NALCN: variants seen among roughly 807,000 people sequenced by gnomAD.
The protein encoded by NALCN is sodium leak channel NALCN.
Under a neutral mutation model 225.3 loss-of-function variants are expected in NALCN, and 111 were observed. That is an observed-to-expected ratio of 0.49 (90% CI 0.42 to 0.58). The LOEUF is 0.58. NALCN is among the 20% of genes least tolerant of loss of function. The probability of loss-of-function intolerance (pLI) is 0.00; values close to 1 mark genes in which losing one functional copy is unlikely to be tolerated. For synonymous variants in NALCN, 764 were observed against 769.0 expected (o/e 0.99, Z 0.11); for missense variants, 1,378 against 2,202.4 (o/e 0.63, Z 7.49).
intron 17 of NALCN, among the ~76,000 whole-genome samples, chr13:101,131,823 T>G (rs1413579604): frequency 6.6e-6 from 1 of 152,162 alleles, no homozygotes; most frequent in East Asian, 1.9e-4. Context: ...CTTTTTGTTT[T>G]CATGTGGGAA....
chr13:101,092,375 C>T (rs1319430878), intron 28 of NALCN, among the ~76,000 whole-genome samples: 1 of 152,228 alleles, frequency 6.6e-6, no homozygotes, highest in African/African-American at 2.4e-5. Flanking sequence ...CATGCTGTAT[C>T]TTACACAACC....
At chr13:101,063,827 C>T (rs899715884) in intron 40 of NALCN, among the ~76,000 whole-genome samples, 2 of 152,078 alleles carry the variant, frequency 1.3e-5, no homozygotes, top group African/African-American at 4.8e-5. Context: ...CTTGTAGGTA[C>T]TGCTATGTGA....
At chr13:101,299,789 C>G (rs2043884888) in intron 7 of NALCN, among the ~76,000 whole-genome samples, 1 of 152,064 alleles carries the variant, frequency 6.6e-6, no homozygotes, top group African/African-American at 2.4e-5. Context: ...CTCTAATAAT[C>G]TCTTCACTCA....
At chr13:101,072,323 G>T (rs1455295092) in intron 37 of NALCN, among the ~76,000 whole-genome samples, 1 of 152,194 alleles carries the variant, frequency 6.6e-6, no homozygotes, top group Non-Finnish European at 1.5e-5. Context: ...AAAACAAGAT[G>T]TGCCTGCACA....
chr13:101,320,968 C>T (rs763873574), intron 7 of NALCN, among the ~76,000 whole-genome samples: 1 of 152,092 alleles, frequency 6.6e-6, no homozygotes, highest in African/African-American at 2.4e-5. Context: ...AGAGCAACAC[C>T]GTTAATTTCT....
intron 15 of NALCN, among the ~76,000 whole-genome samples, chr13:101,167,844 AAC>A (rs2038523520): frequency 6.8e-5 from 6 of 88,710 alleles, no homozygotes; most frequent in East Asian, 4.1e-4. Context: ...GTCAAAAAAA[AAC>A]AAAAACAAAA....
chr13:101,363,364 C>T (rs1180228786), intron 6 of NALCN, among the ~76,000 whole-genome samples: 1 of 152,094 alleles, frequency 6.6e-6, no homozygotes, highest in African/African-American at 2.4e-5. Context: ...GCAACCAAAC[C>T]AGCATGGTAC....
At chr13:101,332,440 C>T (rs140336799) in intron 7 of NALCN, among the ~76,000 whole-genome samples, 21 of 140,150 alleles carry the variant, frequency 1.5e-4, no homozygotes, top group Non-Finnish European at 2.4e-4. Flanking sequence ...TAAAATTCGA[C>T]TCACGGTAGG....
chr13:101,310,393 G>A (rs567056293), intron 7 of NALCN, among the ~76,000 whole-genome samples: 194 of 152,198 alleles, frequency 1.3e-3, no homozygotes, highest in African/African-American at 4.3e-3. Flanking sequence ...AGAGCATGGG[G>A]CATGCTTCCT....
At chr13:101,080,613 TCAA>T (rs2033572814) in intron 34 of NALCN, among the ~76,000 whole-genome samples, 2 of 116,198 alleles carry the variant, frequency 1.7e-5, no homozygotes, top group Non-Finnish European at 1.9e-5. Flanking sequence ...AATTATATAA[TCAA>T]TTAAATTAAT....
chr13:101,306,318 T>A (rs954290121), intron 7 of NALCN, among the ~76,000 whole-genome samples: 3 of 152,208 alleles, frequency 2.0e-5, no homozygotes, highest in Non-Finnish European at 2.9e-5. Flanking sequence ...TGGCTCCACT[T>A]GTCTCCAGAC....
chr13:101,138,017 C>T (rs1487778856), intron 17 of NALCN, among the ~76,000 whole-genome samples: 1 of 152,208 alleles, frequency 6.6e-6, no homozygotes, highest in Non-Finnish European at 1.5e-5. Flanking sequence ...TGATGCTTTG[C>T]ATACCTTTGC....
At chr13:101,279,852 T>TAAAG (rs1566524409) in intron 10 of NALCN, among the ~76,000 whole-genome samples, 18 of 148,304 alleles carry the variant, frequency 1.2e-4, no homozygotes, top group Admixed American at 3.4e-4. Context: ...AATAAATAAA[T>TAAAG]AAATAAATAA....
intron 11 of NALCN, among the ~76,000 whole-genome samples, chr13:101,242,769 T>C (rs1183912270): frequency 1.9e-5 from 2 of 105,990 alleles, no homozygotes; most frequent in Non-Finnish European, 4.2e-5. Flanking sequence ...TATGCTCTCT[T>C]AGTCCTTTTG....
intron 12 of NALCN, among the ~76,000 whole-genome samples, chr13:101,232,834 A>G (rs1042870162): frequency 3.3e-5 from 5 of 152,206 alleles, no homozygotes; most frequent in African/African-American, 1.2e-4. Flanking sequence ...CAGCTTTATC[A>G]TAAGAACTAT....
intron 10 of NALCN, among the ~76,000 whole-genome samples, chr13:101,275,874 G>T (rs1054611251): frequency 6.6e-6 from 1 of 151,928 alleles, no homozygotes; most frequent in African/African-American, 2.4e-5. Flanking sequence ...GATCATCCTG[G>T]CCAACGTGGT....
intron 20 of NALCN, among the ~76,000 whole-genome samples, chr13:101,109,691 G>A (rs1233278024): frequency 6.6e-6 from 1 of 152,094 alleles, no homozygotes; most frequent in Non-Finnish European, 1.5e-5. Flanking sequence ...TATTTAATAT[G>A]CATTTCCCAA....
At chr13:101,217,003 T>C (rs1350140503) in intron 13 of NALCN, among the ~76,000 whole-genome samples, 1 of 152,196 alleles carries the variant, frequency 6.6e-6, no homozygotes, top group Non-Finnish European at 1.5e-5. Flanking sequence ...TCCCCATTTA[T>C]ACAACCGCTA....
chr13:101,360,089 C>T (rs1232785165), intron 6 of NALCN, among the ~76,000 whole-genome samples: 1 of 147,012 alleles, frequency 6.8e-6, no homozygotes, highest in African/African-American at 2.6e-5. Context: ...CTTTCTCTTT[C>T]TTTCTTTTCT....
Sources: allele counts gnomAD v4.1 joint callset (sites outside exome capture counted in the v4.1 genomes callset), GRCh38; gene constraint gnomAD v4.1.1; transcripts MANE v1.5; gene names NCBI Gene and HGNC (gene_info 2026-07-23, HGNC 2026-07-21).